The following CMYA5 variants were observed in gnomAD, a reference collection of about 807,000 sequenced individuals.
The protein encoded by CMYA5 is cardiomyopathy associated 5, also known as cardiomyopathy-associated protein 5.
Under a neutral mutation model 318.9 loss-of-function variants are expected in CMYA5, and 246 were observed. The observed-to-expected ratio is 0.77, with a 90% CI of 0.70 to 0.86. CMYA5 has a LOEUF of 0.86. Among genes scored for constraint, CMYA5 ranks in the 40% least tolerant of loss-of-function variants. The probability of loss-of-function intolerance (pLI) is 0.00; values close to 1 mark genes in which losing one functional copy is unlikely to be tolerated. For synonymous variants in CMYA5, 1,641 were observed against 1,729.5 expected (o/e 0.95, Z 1.27); for missense variants, 4,589 against 4,678.2 (o/e 0.98, Z 0.56).
At chr5:79,764,978 TG>T (rs1173253816) in intron 9 of CMYA5, among the ~76,000 whole-genome samples, 6 of 152,184 alleles carry the variant, frequency 3.9e-5, no homozygotes, top group Admixed American at 2.6e-4. Flanking sequence ...GCTGTGCAGA[TG>T]CTCTTTAGTT....
Position 79,732,068 on chromosome 5 carries a change from A to C in CMYA5, c.3303A>C (p.Thr1101=). Residue 1101 remains threonine (T), a synonymous_variant, in exon 2 of 13, where the codon ACA becomes ACC. Coordinates refer to ENST00000446378, the MANE Select transcript of CMYA5 (RefSeq NM_153610.5). ...EIKPEIPTTS[T]SVSEYLILAQ... ...AGCCAGAGATTCCAACAACCTCAAC[A>C]TCTGTATCTGAATATCTCATTTTGG... The C allele has an allele frequency of 6.2e-7, 1 of 1,613,986 alleles. No homozygotes were observed. The highest frequency in any genetic ancestry group is 8.5e-7 in the Non-Finnish European group (1 of 1,179,874).
chr5:79,763,133 CCCACCACCCCAGAGG>C lies in CMYA5; in HGVS notation c.11484_11498del (p.Thr3829_Thr3833del). 6.3e-7 allele frequency: 1 copy of C among 1,590,454 alleles called. No individual in the cohort carries two copies. Among genetic ancestry groups the C allele is most frequent in the Non-Finnish European group, 8.6e-7 (1 of 1,169,366 alleles). ...GAACACAGCCACTATCCGATGGCGG[CCCACCACCCCAGAGG>C]CCACGGAGACCTACACTCTGGAGTA... On this transcript the variant is annotated inframe_deletion, in exon 9 of 13. Transcript: ENST00000446378.
At chr5:79,762,608 G>A (rs1310574718) in intron 8 of CMYA5, 1 of 155,344 alleles carries the variant, frequency 6.4e-6, no homozygotes, top group Admixed American at 6.3e-5. Context: ...CCTAAACCAA[G>A]GCTGCACTGC....
In CMYA5 at chr5:79,739,023, G is replaced by C. The variant is rs771680613; in HGVS notation, c.10258G>C (p.Glu3420Gln). ...GCTCCGTAATAGCCCTGTTCAGGATGAGTATGAATTTACAGAATCCCTGCA... is the reference window on the plus strand; with the variant it reads ...GCTCCGTAATAGCCCTGTTCAGGATCAGTATGAATTTACAGAATCCCTGCA... ...ERLRNSPVQD[E>Q]YEFTESLHNE... Residue 3420 changes from glutamate (E) to glutamine (Q), a missense_variant, in exon 2 of 13, where the codon GAG becomes CAG. Physicochemically the swap from Glu to Gln is conservative, Grantham distance 29. Coordinates refer to ENST00000446378, the MANE Select transcript of CMYA5 (RefSeq NM_153610.5). 3.1e-6 allele frequency: 5 copies of C among 1,613,932 alleles called. No homozygotes were observed. Among genetic ancestry groups the C allele is most frequent in the Non-Finnish European group, 4.2e-6 (5 of 1,179,858 alleles).
chr5:79,762,167 A>C, intron 8 of CMYA5: 1 of 501,238 alleles, frequency 2.0e-6, no homozygotes, highest in Non-Finnish European at 3.4e-6. Context: ...GATCATAGAA[A>C]ATGTGTGGTA....
chr5:79,751,260 A>G (rs1828425622), intron 5 of CMYA5, among the ~76,000 whole-genome samples: 1 of 152,022 alleles, frequency 6.6e-6, no homozygotes, highest in Admixed American at 6.6e-5. Context: ...CGACTTTTCT[A>G]TTTCATCCCT....
Position 79,729,772 on chromosome 5 carries a change from C to A in CMYA5, c.1007C>A (p.Ser336Tyr). 6.2e-7 allele frequency: 1 copy of A among 1,613,978 alleles called. No individual in the cohort carries two copies. Among genetic ancestry groups the A allele is most frequent in the Non-Finnish European group, 8.5e-7 (1 of 1,179,878 alleles). ...GCTGATTCTCCCCTAAATGCCACAT[C>A]TGCATTGGAGCACACAGTTCCCTCT... is the stretch of plus-strand genomic sequence containing the variant. The part of the protein sequence containing the change: ...IYADSPLNAT[S>Y]ALEHTVPSYS... Residue 336 changes from serine (S) to tyrosine (Y), a missense_variant, in exon 2 of 13, where the codon TCT (serine) becomes TAT (tyrosine). Around this residue, in one of 3 missense-constraint regions of CMYA5, gnomAD observed 2,132 missense variants for 2,131.3 expected, o/e 1.00. Transcript: ENST00000446378.
Position 79,732,255 on chromosome 5 carries a change from A to G in CMYA5, c.3490A>G (p.Thr1164Ala). The G allele has an allele frequency of 1.2e-6, 2 of 1,613,896 alleles. No individual in the cohort carries two copies. Among genetic ancestry groups the G allele is most frequent in the Non-Finnish European group, 1.7e-6 (2 of 1,179,856 alleles). Residue 1164 changes from threonine to alanine, a missense_variant, in exon 2 of 13, where the codon ACC (threonine) becomes GCC (alanine). Physicochemically the swap from Thr to Ala is moderately conservative, Grantham distance 58 (BLOSUM62 0). Around this residue, in one of 3 missense-constraint regions of CMYA5, gnomAD observed 2,132 missense variants for 2,131.3 expected, o/e 1.00. Transcript: ENST00000446378. ...ACAATCATCTATAGTAAAGGAAGAA[A>G]CCAAACCTGCATCTCCACATTCAGT... ...PAQSSIVKEE[T>A]KPASPHSVLP...
chr5:79,690,018 C>G lies in CMYA5; in HGVS notation c.111C>G (p.Asp37Glu), dbSNP rs550154245. 6.7e-6 allele frequency: 10 copies of G among 1,483,710 alleles called. No individual in the cohort carries two copies. The highest frequency in any genetic ancestry group is 8.1e-6 in the Non-Finnish European group (9 of 1,111,946). 91.9% of individuals were successfully genotyped at this position (1,483,710 alleles called of 1,614,324 possible). A position where few individuals can be genotyped will look rare whatever the true frequency, so the allele number is the denominator to read the frequency against. Residue 37 changes from aspartate (D) to glutamate (E), a missense_variant, in exon 1 of 13, where the codon GAC becomes GAG. Transcript: ENST00000446378. ...AGGAGGAGTCGGAGGGCGAGGAGGA[C>G]GAGACGGCGGCGGAGTCGGAGGAGG... ...ETEEESEGEE[D>E]ETAAESEEEP...
chr5:79,712,791 A>G (rs1347167806), intron 1 of CMYA5, among the ~76,000 whole-genome samples: 1 of 152,124 alleles, frequency 6.6e-6, no homozygotes, highest in East Asian at 1.9e-4. Context: ...TGGAGTTATA[A>G]TTGTATTAGG....
chr5:79,789,429 A>AT (rs11331633), intron 10 of CMYA5, among the ~76,000 whole-genome samples: 606 of 147,474 alleles, frequency 4.1e-3, no homozygotes, highest in Non-Finnish European at 6.6e-3. Context: ...TCTCTAGATG[A>AT]TTTTTTTTTT....
rs1437829716 is a variant in CMYA5, at chr5:79,731,808, G to C, written c.3043G>C (p.Glu1015Gln). The change falls in exon 2 of 13, where the codon GAA becomes CAA. Residue 1015 changes from glutamate (E) to glutamine (Q), a missense_variant. By Grantham distance (29) the Glu-to-Gln change is conservative. Transcript: ENST00000446378. ...QVSIPPFRIS[E>Q]TEKNELEPDS... ...TTCAATCCCTCCCTTTAGAATCTCA[G>C]AAACAGAGAAAAATGAACTTGAGCC... is the stretch of plus-strand genomic sequence containing the variant. 6.2e-7 allele frequency: 1 copy of C among 1,612,642 alleles called. No individual in the cohort carries two copies. The highest frequency in any genetic ancestry group is 1.3e-5 in the African/African-American group (1 of 74,874).
rs1300611876 is a variant in CMYA5, at chr5:79,768,502, C to CA, written c.11555+5296dup. Reference sequence around the variant, plus strand: ...TCTTGTAAGGTAGGCCTGGTGGTGACAAACAGCATTTGCTTCTCTGGAAAA... The same window carrying CA: ...TCTTGTAAGGTAGGCCTGGTGGTGACAAAACAGCATTTGCTTCTCTGGAAAA... On this transcript the variant is annotated intron_variant, in intron 9 of 12. Transcript: ENST00000446378. Among the ~76,000 whole-genome samples, 2 of 152,138 alleles carry CA rather than the reference C, an allele frequency of 1.3e-5. 1 individual carries two copies. The highest frequency in any genetic ancestry group is 4.8e-5 in the African/African-American group (2 of 41,432).
chr5:79,714,839 T>TGGAA (rs1188632922), intron 1 of CMYA5, among the ~76,000 whole-genome samples: 1 of 152,206 alleles, frequency 6.6e-6, no homozygotes, highest in Non-Finnish European at 1.5e-5. Context: ...TCTAATTTCC[T>TGGAA]GGAAGGTAGG....
rs1276127151 is a variant in CMYA5 at position 79,718,089 on chromosome 5, G to A, written c.150-10826G>A. Reference sequence around the variant, plus strand: ...GTTTTAGTAGAGACGGGGTTTCACCGTTTTAGCCGGGATGGTCTCGATCTC... The same window carrying A: ...GTTTTAGTAGAGACGGGGTTTCACCATTTTAGCCGGGATGGTCTCGATCTC... On this transcript the variant is annotated intron_variant, in intron 1 of 12. Transcript: ENST00000446378. Among the ~76,000 whole-genome samples the A allele has an allele frequency of 1.2e-4, 7 of 57,072 alleles. 2 individuals carry two copies. The highest frequency in any genetic ancestry group is 4.6e-4 in the South Asian group (1 of 2,170). 37.4% of individuals were successfully genotyped at this position (57,072 alleles called of 152,430 possible).
intron 9 of CMYA5, among the ~76,000 whole-genome samples, chr5:79,777,657 C>G (rs1270564822): frequency 6.6e-6 from 1 of 152,016 alleles, no homozygotes; most frequent in Middle Eastern, 3.2e-3. Flanking sequence ...CAGCTGTAAT[C>G]CCAGCTACTT....
intron 9 of CMYA5, among the ~76,000 whole-genome samples, chr5:79,768,509 C>G (rs1385164171): frequency 1.3e-5 from 2 of 151,890 alleles, no homozygotes; most frequent in African/African-American, 2.4e-5. Context: ...TGACAAACAG[C>G]ATTTGCTTCT....
chr5:79,752,981 T>C (rs1209293229), intron 6 of CMYA5, among the ~76,000 whole-genome samples, 187 bp downstream of exon 6: 1 of 152,154 alleles, frequency 6.6e-6, no homozygotes, highest in Non-Finnish European at 1.5e-5. Flanking sequence ...CCCATTTCTG[T>C]GCATTTCCAT....
At chr5:79,718,077 C>T (rs1365786819) in intron 1 of CMYA5, among the ~76,000 whole-genome samples, 1 of 72,518 alleles carries the variant, frequency 1.4e-5, no homozygotes, top group Admixed American at 1.2e-4. Context: ...TTAGTAGAGA[C>T]GGGGTTTCAC....
Sources: allele counts gnomAD v4.1 joint callset (sites outside exome capture counted in the v4.1 genomes callset), GRCh38; gene constraint gnomAD v4.1.1; regional missense constraint gnomAD v4.1.1; transcripts MANE v1.5; gene names NCBI Gene and HGNC (gene_info 2026-07-23, HGNC 2026-07-21).